The following HMCN1 variants were observed in gnomAD, a reference collection of about 807,000 sequenced individuals.
The protein encoded by HMCN1 is hemicentin-1.
HMCN1 carries 321 observed loss-of-function variants against 625.9 expected under a neutral mutation model. The ratio of observed to expected loss-of-function variants is 0.51; its 90% CI spans 0.47 to 0.56. HMCN1 has a LOEUF of 0.56. HMCN1 is among the 20% of genes least tolerant of loss of function. The probability of loss-of-function intolerance (pLI) is 0.00; values close to 1 mark genes in which losing one functional copy is unlikely to be tolerated. For missense variants in HMCN1, 6,588 were observed against 6,887.3 expected, an observed-to-expected ratio of 0.96 and a Z score of 1.54; for synonymous variants, 2,425 against 2,417.6, an observed-to-expected ratio of 1.00 and a Z score of -0.09.
chr1:185,922,482 T>A lies in HMCN1; in HGVS notation c.1004T>A (p.Val335Asp), dbSNP rs138572318. 18 of 1,613,056 alleles carry A rather than the reference T, an allele frequency of 1.1e-5. No individual in the cohort carries two copies. In the African/African-American group the frequency reaches 1.2e-4, roughly 11 times the overall value. ...CCCACCCTGGACTTCAAAAAAACAG[T>A]CAGCAGACCAGTGCAAGGTTTGTAT... ...RKPTLDFKKT[V>D]SRPVQGIPTY... Residue 335 changes from valine to aspartate, a missense_variant, in exon 7 of 107, where the codon GTC becomes GAC. Around this residue, in one of 3 missense-constraint regions of HMCN1, gnomAD observed 4,628 missense variants for 4,853.1 expected, o/e 0.95. Transcript: ENST00000271588.
At chr1:185,900,158 T>C (rs1665723165) in intron 4 of HMCN1, among the ~76,000 whole-genome samples, 1 of 152,036 alleles carries the variant, frequency 6.6e-6, no homozygotes, top group African/African-American at 2.4e-5. Context: ...CTTTCTCTGA[T>C]TTAATCCATT....
chr1:185,745,243 A>G (rs562894780), intron 1 of HMCN1, among the ~76,000 whole-genome samples: 86 of 152,004 alleles, frequency 5.7e-4, no homozygotes, highest in Non-Finnish European at 1.1e-3. Flanking sequence ...GCAATGAAAA[A>G]GAGAGTCACA....
chr1:185,972,067 A>G (rs1233020033), intron 15 of HMCN1, among the ~76,000 whole-genome samples: 1 of 152,234 alleles, frequency 6.6e-6, no homozygotes, highest in Non-Finnish European at 1.5e-5. Context: ...CTTGTTTACA[A>G]GAAATATACT....
intron 36 of HMCN1, among the ~76,000 whole-genome samples, chr1:186,034,309 C>T (rs957881349): frequency 6.6e-6 from 1 of 152,126 alleles, no homozygotes; most frequent in East Asian, 1.9e-4. Flanking sequence ...CCCAGTCAGG[C>T]CATGTTGGAC....
At chr1:186,115,759 C>T (rs542820201) in intron 75 of HMCN1, among the ~76,000 whole-genome samples, 43 of 151,516 alleles carry the variant, frequency 2.8e-4, no homozygotes, top group South Asian at 2.5e-3. Flanking sequence ...AAAATAAATA[C>T]GATCTTTAGT....
intron 94 of HMCN1, 90 bp downstream of exon 94, chr1:186,151,439 T>A: frequency 1.5e-6 from 2 of 1,349,774 alleles, no homozygotes; most frequent in Non-Finnish European, 2.1e-6. Flanking sequence ...ATGCTACTAC[T>A]AACTCATAAG....
intron 1 of HMCN1, among the ~76,000 whole-genome samples, chr1:185,809,688 T>C (rs1037891591): frequency 3.9e-5 from 6 of 152,064 alleles, no homozygotes; most frequent in African/African-American, 1.2e-4. Context: ...AGATATGATA[T>C]AGTATGATAT....
Position 185,933,745 on chromosome 1 carries a change from C to T in HMCN1, c.1749C>T (p.Phe583=), listed in dbSNP as rs1269087469. Residue 583 remains phenylalanine, a synonymous_variant, in exon 11 of 107, where the codon TTC becomes TTT. Coordinates refer to ENST00000271588, the MANE Select transcript of HMCN1 (RefSeq NM_031935.3). ...NLSLELKSVK[F]NDAGEYHCMV... ...CATTGGAGCTAAAGAGTGTGAAATT[C>T]AACGATGCTGGAGAGTATCATTGTA... The T allele has an allele frequency of 3.1e-6, 5 of 1,613,710 alleles. No homozygotes were observed. Among genetic ancestry groups the T allele is most frequent in the Non-Finnish European group, 3.4e-6 (4 of 1,179,804 alleles).
chr1:186,130,823 C>T (rs892519134), intron 85 of HMCN1, 126 bp downstream of exon 85: 10 of 908,724 alleles, frequency 1.1e-5, no homozygotes, highest in Middle Eastern at 3.2e-4. Context: ...AATCAAATAA[C>T]TCCTTTTAAA....
chr1:185,963,801 C>T lies in HMCN1; in HGVS notation c.2004C>T (p.Ile668=), dbSNP rs1209435981. The T allele has an allele frequency of 6.2e-7, 1 of 1,609,040 alleles. No homozygotes were observed. Among genetic ancestry groups the T allele is most frequent in the African/African-American group, 1.3e-5 (1 of 74,792 alleles). The change falls in exon 13 of 107, where the codon ATC becomes ATT. Residue 668 remains isoleucine, a synonymous_variant. Transcript: ENST00000271588. ...YRMTSDGTLF[I]KNAAPKDAGI... ...TGACCTCAGATGGTACCTTATTTAT[C>T]AAAAATGCAGCTCCCAAAGATGCAG...
intron 4 of HMCN1, among the ~76,000 whole-genome samples, chr1:185,908,340 T>G (rs1666214395): frequency 6.6e-6 from 1 of 152,010 alleles, no homozygotes; most frequent in African/African-American, 2.4e-5. Flanking sequence ...AATGTTTTTG[T>G]TTATCATTAA....
At chr1:186,119,972 T>G in intron 79 of HMCN1, 39 bp from the exon 80 acceptor site, 1 of 1,601,424 alleles carries the variant, frequency 6.2e-7, no homozygotes, top group Non-Finnish European at 8.5e-7. Context: ...TGAACAGGCT[T>G]TTTTTTTTCC....
At chr1:186,039,128 C>T (rs1233413337) in intron 38 of HMCN1, 123 bp downstream of exon 38, 1 of 762,298 alleles carries the variant, frequency 1.3e-6, no homozygotes, top group Admixed American at 1.9e-5. Context: ...TATGTAAGGG[C>T]ACAGTGTTCT....
At chr1:185,814,248 A>G (rs1272498534) in intron 1 of HMCN1, among the ~76,000 whole-genome samples, 2 of 152,210 alleles carry the variant, frequency 1.3e-5, no homozygotes, top group Admixed American at 1.3e-4. Context: ...GCTGATGGAC[A>G]ATAGTCTCTG....
intron 82 of HMCN1, 79 bp downstream of exon 82, chr1:186,125,873 A>G: frequency 9.6e-7 from 1 of 1,042,810 alleles, no homozygotes; most frequent in East Asian, 2.6e-5. Flanking sequence ...TTAGCATGGA[A>G]GTATATTCTT....
intron 13 of HMCN1, among the ~76,000 whole-genome samples, chr1:185,964,202 AAATT>A (rs770970559): frequency 6.6e-6 from 1 of 152,250 alleles, no homozygotes; most frequent in East Asian, 1.9e-4. Context: ...TTAAATTAAT[AAATT>A]CTATTTCCTT....
chr1:185,977,386 A>T (rs1651293927), intron 15 of HMCN1, among the ~76,000 whole-genome samples: 1 of 152,176 alleles, frequency 6.6e-6, no homozygotes, highest in Non-Finnish European at 1.5e-5. Flanking sequence ...CAACCAAAGG[A>T]GTAAGTTACG....
chr1:186,124,188 A>T (rs1479727012), intron 81 of HMCN1, among the ~76,000 whole-genome samples: 1 of 152,132 alleles, frequency 6.6e-6, no homozygotes, highest in African/African-American at 2.4e-5. Context: ...AAGATAGACC[A>T]TAATTTCTAC....
At chr1:186,114,727 A>G in intron 73 of HMCN1, 92 bp from the exon 74 acceptor site, 1 of 1,452,948 alleles carries the variant, frequency 6.9e-7, no homozygotes, top group Non-Finnish European at 9.6e-7. Flanking sequence ...TACTGAATGG[A>G]TTTCACCAAG....
Sources: gnomAD v4.1 joint callset for allele counts (sites outside exome capture counted in the v4.1 genomes callset) on GRCh38, gnomAD v4.1.1 for gene constraint, gnomAD v4.1.1 regional missense constraint, MANE v1.5 for transcripts, NCBI Gene and HGNC (gene_info 2026-07-23, HGNC 2026-07-21) for gene names.